Variants in VGLL4 observed in about 807,000 individuals in gnomAD.
VGLL4 encodes the protein vestigial like family member 4.
In VGLL4, 7 loss-of-function variants were observed where a neutral mutation model predicts 21.0. The ratio of observed to expected loss-of-function variants is 0.33; its 90% CI spans 0.19 to 0.63. The LOEUF is 0.63. Ranked by LOEUF, VGLL4 falls within the 20% of genes least tolerant of loss-of-function variation. The pLI is 0.78. For missense variants in VGLL4, 394 were observed against 425.7 expected, an observed-to-expected ratio of 0.93 and a Z score of 0.66; for synonymous variants, 222 against 173.2, an observed-to-expected ratio of 1.28 and a Z score of -2.21.
chr3:11,623,060 T>A (rs548872687), intron 1 of VGLL4, among the ~76,000 whole-genome samples: 9 of 152,306 alleles, frequency 5.9e-5, no homozygotes, highest in African/African-American at 1.9e-4. Context: ...CACCTTTTAG[T>A]TATGGATTCC....
chr3:11,658,376 C>T (rs2075986463), intron 2 of VGLL4, among the ~76,000 whole-genome samples: 1 of 152,094 alleles, frequency 6.6e-6, no homozygotes, highest in South Asian at 2.1e-4. Flanking sequence ...TTCCAAAGTA[C>T]AAGCTAGAAC....
chr3:11,617,845 A>C (rs968994321), intron 1 of VGLL4, among the ~76,000 whole-genome samples: 29 of 152,360 alleles, frequency 1.9e-4, no homozygotes, highest in Admixed American at 1.6e-3. Context: ...AAGTCTAATT[A>C]ACCTCTCATA....
At chr3:11,640,072 A>G (rs985316468) in intron 1 of VGLL4, among the ~76,000 whole-genome samples, 6 of 152,200 alleles carry the variant, frequency 3.9e-5, no homozygotes, top group African/African-American at 1.2e-4. Flanking sequence ...ATGATGTCTG[A>G]GGCCCTGGAT....
In VGLL4 at chr3:11,559,599, T is replaced by C. The variant is rs190385296; in HGVS notation, c.496-144A>G. ...ACCTCCCACTTCAATACTGGAGTCC[T>C]GTTGCTAAACACAGCCAATCCACAG... On this transcript the variant is annotated intron_variant, in intron 3 of 4. Transcript: ENST00000430365. 4.8e-4 allele frequency: 615 copies of C among 1,286,806 alleles called. 4 individuals are homozygous for C. The East Asian group carries it at 0.014, about 30-fold the overall frequency. The allele number at this position is 1,286,806 out of a possible 1,614,324, so 79.7% of individuals were successfully genotyped here.
At position 11,565,556 on chromosome 3, in the gene VGLL4, T is replaced by G. The variant is rs1056908327; in HGVS notation, c.273-537A>C. Among the ~76,000 whole-genome samples, 5 of 151,942 alleles carry G rather than the reference T, an allele frequency of 3.3e-5. No homozygotes were observed. The highest frequency in any genetic ancestry group is 1.2e-4 in the African/African-American group (5 of 41,332). On this transcript the variant is annotated intron_variant, in intron 2 of 4. Transcript: ENST00000430365. This position sits in a 1 kb window ranked among gnomAD's most constrained non-coding sequence, Gnocchi z 4.1. ...CCTTTCCAGACCAGAACCCCAAGAC[T>G]CAAGAGTGGTGGAATAATCAGCTCA...
At chr3:11,635,804 G>C (rs2075575306) in intron 1 of VGLL4, among the ~76,000 whole-genome samples, 1 of 152,236 alleles carries the variant, frequency 6.6e-6, no homozygotes. Flanking sequence ...GAGAATGACA[G>C]CTATTTTCCA....
chr3:11,717,887 A>G (rs1447635923), intron 1 of VGLL4, among the ~76,000 whole-genome samples: 1 of 152,224 alleles, frequency 6.6e-6, no homozygotes, highest in African/African-American at 2.4e-5. Context: ...ACAAAGGAAA[A>G]TAAGATACAA....
At chr3:11,664,649 GA>G (rs1271122893) in intron 2 of VGLL4, among the ~76,000 whole-genome samples, 1 of 152,188 alleles carries the variant, frequency 6.6e-6, no homozygotes, top group East Asian at 1.9e-4. Flanking sequence ...GGTCACCCAT[GA>G]AACCTGGAGT....
At chr3:11,623,846 T>A (rs2075307699) in intron 1 of VGLL4, among the ~76,000 whole-genome samples, 1 of 151,924 alleles carries the variant, frequency 6.6e-6, no homozygotes, top group Admixed American at 6.6e-5. Flanking sequence ...GCTCAAGTGA[T>A]CCTCCCACCT....
At chr3:11,577,230 A>G (rs1175195997) in intron 2 of VGLL4, among the ~76,000 whole-genome samples, 1 of 152,166 alleles carries the variant, frequency 6.6e-6, no homozygotes, top group African/African-American at 2.4e-5. Flanking sequence ...CATCTTTCAA[A>G]ATTTCAAATT....
At chr3:11,625,916 C>A (rs1019497784) in intron 1 of VGLL4, among the ~76,000 whole-genome samples, 8 of 152,020 alleles carry the variant, frequency 5.3e-5, no homozygotes, top group African/African-American at 1.9e-4. Flanking sequence ...GAGAGTGAAA[C>A]GGGTCAAGGT....
At chr3:11,594,337 C>G (rs1405696142) in intron 2 of VGLL4, among the ~76,000 whole-genome samples, 3 of 152,246 alleles carry the variant, frequency 2.0e-5, no homozygotes, top group Non-Finnish European at 4.4e-5. Context: ...CTGATATAGA[C>G]AAAAAGACAG....
upstream of VGLL4, among the ~76,000 whole-genome samples, chr3:11,648,496 A>C (rs988270877): frequency 6.6e-6 from 1 of 152,254 alleles, no homozygotes; most frequent in East Asian, 1.9e-4. Context: ...TAAGCCAGAA[A>C]TAAAATTTTT....
intron 1 of VGLL4, among the ~76,000 whole-genome samples, chr3:11,635,115 A>C (rs1430169887): frequency 2.6e-5 from 4 of 152,236 alleles, no homozygotes. Flanking sequence ...TGTCTGGAAC[A>C]AATTCAACAG....
Position 11,557,323 on chromosome 3 carries a change from C to T in VGLL4, c.*1233G>A, listed in dbSNP as rs1024722664. On this transcript the variant is annotated 3_prime_UTR_variant, in exon 5 of 5. Transcript: ENST00000430365. Reference sequence around the variant, plus strand: ...GCGTACGAGGAAGCGTATAAAACACCATATCACAGATTGTCTGTCAGTAAT... The same window carrying T: ...GCGTACGAGGAAGCGTATAAAACACTATATCACAGATTGTCTGTCAGTAAT... 10 of 147,406 alleles carry T rather than the reference C, an allele frequency of 6.8e-5. No individual in the cohort carries two copies. The highest frequency in any genetic ancestry group is 2.8e-4 in the African/African-American group (10 of 36,346). 9.1% of individuals were successfully genotyped at this position (147,406 alleles called of 1,614,324 possible).
rs140904429 is a variant in VGLL4, at chr3:11,577,908, T to C, written c.273-12889A>G. Among the ~76,000 whole-genome samples the C allele has an allele frequency of 2.5e-3, 377 of 152,286 alleles. 1 individual carries two copies. The highest frequency in any genetic ancestry group is 8.4e-3 in the African/African-American group (349 of 41,546). ...GTCAACCTTGCCATGCCCAGAATTC[T>C]CCTTCAAATTACTCTGACACAAGAC... On this transcript the variant is annotated intron_variant, in intron 2 of 4. Coordinates refer to ENST00000430365, the MANE Select transcript of VGLL4 (RefSeq NM_001128219.3).
At chr3:11,610,144 C>A (rs145990374) in intron 1 of VGLL4, 3 of 152,352 alleles carry the variant, frequency 2.0e-5, no homozygotes, top group East Asian at 1.9e-4. Context: ...CATGTCCTGG[C>A]GAGAGGGCAC....
At chr3:11,717,556 G>A (rs2076937025) in intron 1 of VGLL4, among the ~76,000 whole-genome samples, 1 of 142,352 alleles carries the variant, frequency 7.0e-6, no homozygotes, top group Non-Finnish European at 1.5e-5. Context: ...GTCCAGGCTG[G>A]TCTGGAACTC....
intron 2 of VGLL4, among the ~76,000 whole-genome samples, chr3:11,674,748 G>A (rs1370285857): frequency 6.6e-6 from 1 of 152,088 alleles, no homozygotes; most frequent in African/African-American, 2.4e-5. Flanking sequence ...AGCGATGGGT[G>A]TTATGCTGTT....
Sources: allele counts gnomAD v4.1 joint callset (sites outside exome capture counted in the v4.1 genomes callset), GRCh38; gene constraint gnomAD v4.1.1; non-coding constraint Gnocchi (gnomAD v3.1); transcripts MANE v1.5; gene names NCBI Gene and HGNC (gene_info 2026-07-23, HGNC 2026-07-21).